The following USH2A variants were observed in gnomAD, a reference collection of about 807,000 sequenced individuals.
USH2A encodes the protein usherin, also known as Usher syndrome 2A (autosomal recessive, mild).
USH2A carries 443 observed loss-of-function variants against 538.9 expected under a neutral mutation model. The ratio of observed to expected loss-of-function variants is 0.82; its 90% CI spans 0.76 to 0.89. The LOEUF (loss-of-function observed/expected upper bound fraction) is 0.89, where lower values mean the gene tolerates loss of function less well. Ranked by LOEUF, USH2A falls within the 40% of genes least tolerant of loss-of-function variation. The pLI is 0.00. For missense variants in USH2A, 6,633 were observed against 6,324.8 expected, an observed-to-expected ratio of 1.05 and a Z score of -1.65; for synonymous variants, 2,413 against 2,273.5, an observed-to-expected ratio of 1.06 and a Z score of -1.75.
chr1:215,967,760 A>G (rs1056839982), intron 36 of USH2A, among the ~76,000 whole-genome samples: 1 of 151,692 alleles, frequency 6.6e-6, no homozygotes, highest in African/African-American at 2.4e-5. Context: ...AAAAAAAAAA[A>G]TGTGAAAGGG....
chr1:215,827,659 T>C (rs192859908), intron 47 of USH2A, among the ~76,000 whole-genome samples: 2 of 152,244 alleles, frequency 1.3e-5, no homozygotes, highest in East Asian at 3.9e-4. Context: ...GAATTGCACT[T>C]AGTGTAGTCC....
At chr1:216,333,646 C>T (rs1411323373) in intron 4 of USH2A, among the ~76,000 whole-genome samples, 1 of 152,056 alleles carries the variant, frequency 6.6e-6, no homozygotes, top group Admixed American at 6.6e-5. Context: ...AATAGATCCA[C>T]ACCCTAGGCA....
At chr1:215,907,581 T>C (rs911419782) in intron 38 of USH2A, among the ~76,000 whole-genome samples, 13 of 152,066 alleles carry the variant, frequency 8.5e-5, no homozygotes, top group African/African-American at 3.1e-4. Context: ...TTTCTTCAAG[T>C]GATGCTGCTG....
intron 21 of USH2A, among the ~76,000 whole-genome samples, chr1:216,155,696 C>T (rs936234276): frequency 2.6e-5 from 4 of 152,134 alleles, no homozygotes; most frequent in African/African-American, 9.7e-5. Context: ...TTAAATTAAA[C>T]TTTTTACTGC....
intron 60 of USH2A, among the ~76,000 whole-genome samples, chr1:215,738,708 TA>T (rs1474706207): frequency 1.3e-5 from 2 of 152,158 alleles, no homozygotes; most frequent in Non-Finnish European, 2.9e-5. Flanking sequence ...AAATGAGATT[TA>T]CAAGTGGGCT....
At chr1:216,097,981 C>T (rs1369540113) in intron 21 of USH2A, among the ~76,000 whole-genome samples, 2 of 150,462 alleles carry the variant, frequency 1.3e-5, no homozygotes, top group African/African-American at 2.5e-5. Context: ...TTACATGTCC[C>T]CATCTCCAGC....
intron 21 of USH2A, among the ~76,000 whole-genome samples, chr1:216,135,572 T>C (rs1190236237): frequency 1.3e-5 from 2 of 152,122 alleles, no homozygotes; most frequent in Admixed American, 6.6e-5. Context: ...TAAAGGGTAA[T>C]ATTTATAACC....
In USH2A at chr1:216,042,787, G is replaced by GATT. The variant is rs1290909879; in HGVS notation, c.6325+3643_6325+3644insAAT. ...TAAAAATATAAATGACCTGAACTTAGTCCATATCACTGATATAAAATCTGT... is the reference window on the plus strand; with the variant it reads ...TAAAAATATAAATGACCTGAACTTAGATTTCCATATCACTGATATAAAATCTGT... On this transcript the variant is annotated intron_variant, in intron 32 of 71. Transcript: ENST00000307340. Among the ~76,000 whole-genome samples the GATT allele has an allele frequency of 7.2e-5, 11 of 152,116 alleles. No individual in the cohort carries two copies. The South Asian group carries it at 2.3e-3, about 32-fold the overall frequency.
chr1:216,366,074 T>C (rs772748205), intron 3 of USH2A, among the ~76,000 whole-genome samples: 9 of 152,138 alleles, frequency 5.9e-5, no homozygotes, highest in Non-Finnish European at 1.2e-4. Flanking sequence ...ATCAACTTCA[T>C]CTCTGCAAAT....
chr1:215,960,034 GAAGAATCC>G (rs1667159132), intron 37 of USH2A, among the ~76,000 whole-genome samples: 1 of 152,158 alleles, frequency 6.6e-6, no homozygotes, highest in South Asian at 2.1e-4. Context: ...GGATCAGTGT[GAAGAATCC>G]AAGGGAAGTC....
chr1:216,144,875 A>C (rs1350106972), intron 21 of USH2A, among the ~76,000 whole-genome samples: 1 of 152,132 alleles, frequency 6.6e-6, no homozygotes, highest in African/African-American at 2.4e-5. Context: ...ACTTCCATTC[A>C]TATGCTCATA....
chr1:215,697,217 CCA>C (rs1304336994), intron 61 of USH2A, among the ~76,000 whole-genome samples: 1 of 151,954 alleles, frequency 6.6e-6, no homozygotes, highest in Non-Finnish European at 1.5e-5. Context: ...CCTCGGCCTC[CCA>C]CAGTGTTAGG....
chr1:216,000,611 T>G (rs1160964118), intron 32 of USH2A, 49 bp from the exon 33 acceptor site: 1 of 1,607,380 alleles, frequency 6.2e-7, no homozygotes, highest in Admixed American at 1.7e-5. Context: ...TACTTCTTAT[T>G]GAGGAGATTT....
intron 21 of USH2A, among the ~76,000 whole-genome samples, chr1:216,168,880 A>G (rs772355413): frequency 2.6e-5 from 4 of 152,056 alleles, no homozygotes; most frequent in Non-Finnish European, 5.9e-5. Flanking sequence ...CTAGGATTTC[A>G]TGTCCGACCC....
At chr1:215,801,115 T>C (rs148688542) in intron 49 of USH2A, among the ~76,000 whole-genome samples, 2 of 151,930 alleles carry the variant, frequency 1.3e-5, no homozygotes, top group African/African-American at 4.8e-5. Flanking sequence ...CTCAAGAAAA[T>C]AGGAATAGAT....
chr1:215,848,492 G>A (rs1663925258), intron 44 of USH2A, among the ~76,000 whole-genome samples: 1 of 152,084 alleles, frequency 6.6e-6, no homozygotes, highest in Non-Finnish European at 1.5e-5. Flanking sequence ...GATGAGCAAA[G>A]ATCACATGTC....
At chr1:215,781,697 AAACTTTCTTT>A (rs1409257115) in intron 54 of USH2A, among the ~76,000 whole-genome samples, 1 of 152,180 alleles carries the variant, frequency 6.6e-6, no homozygotes, top group Admixed American at 6.5e-5. Context: ...ATTTAAATAG[AAACTTTCTTT>A]AACTGAATAA....
chr1:215,751,372 G>A (rs1312579432), intron 58 of USH2A, among the ~76,000 whole-genome samples: 1 of 152,008 alleles, frequency 6.6e-6, no homozygotes, highest in Non-Finnish European at 1.5e-5. Flanking sequence ...TATATTGTAC[G>A]TTAAACCTAA....
chr1:215,844,236 CT>C, intron 46 of USH2A, 57 bp downstream of exon 46: 1 of 1,544,238 alleles, frequency 6.5e-7, no homozygotes, highest in South Asian at 1.1e-5. Flanking sequence ...AAGACATAGC[CT>C]GGCATGTTTT....
Sources: allele counts gnomAD v4.1 joint callset (sites outside exome capture counted in the v4.1 genomes callset), GRCh38; gene constraint gnomAD v4.1.1; transcripts MANE v1.5; gene names NCBI Gene and HGNC (gene_info 2026-07-23, HGNC 2026-07-21).